Variants in LPP observed in about 807,000 individuals in gnomAD.
The protein encoded by LPP is lipoma-preferred partner.
A neutral mutation model predicts 60.4 loss-of-function variants in LPP; 38 were observed. The ratio of observed to expected loss-of-function variants is 0.63; its 90% CI spans 0.49 to 0.83. LPP has a LOEUF of 0.83. LPP is among the 40% of genes least tolerant of loss of function. The pLI is 0.00. For missense variants in LPP, 902 were observed against 783.6 expected, an observed-to-expected ratio of 1.15 and a Z score of -1.80; for synonymous variants, 328 against 290.8, an observed-to-expected ratio of 1.13 and a Z score of -1.30.
At chr3:188,387,427 T>C (rs991368536) in intron 3 of LPP, among the ~76,000 whole-genome samples, 2 of 152,172 alleles carry the variant, frequency 1.3e-5, no homozygotes, top group African/African-American at 4.8e-5. Flanking sequence ...TAATATTTCA[T>C]TGAGTGATTG....
At chr3:188,268,864 C>A (rs1025966842) in intron 2 of LPP, among the ~76,000 whole-genome samples, 4 of 152,138 alleles carry the variant, frequency 2.6e-5, no homozygotes, top group African/African-American at 9.7e-5. Flanking sequence ...TAGGTAGATA[C>A]TTTTTACAGG....
chr3:188,298,047 T>C (rs1226356032), intron 2 of LPP, among the ~76,000 whole-genome samples: 1 of 152,212 alleles, frequency 6.6e-6, no homozygotes, highest in African/African-American at 2.4e-5. Context: ...CCTACTGTTA[T>C]CTTTTTTCCA....
intron 7 of LPP, among the ~76,000 whole-genome samples, chr3:188,673,329 AACAAC>A (rs1235016642): frequency 5.3e-3 from 1 of 188 alleles, no homozygotes; most frequent in Non-Finnish European, 0.033. Context: ...GGAAACAAAT[AACAAC>A]AACAACAAAC....
intron 4 of LPP, among the ~76,000 whole-genome samples, chr3:188,479,412 C>T (rs1429988812): frequency 6.6e-6 from 1 of 152,160 alleles, no homozygotes; most frequent in Non-Finnish European, 1.5e-5. Context: ...CAGTGTGGAC[C>T]TGAATCAGAG....
intron 9 of LPP, among the ~76,000 whole-genome samples, chr3:188,764,888 A>G (rs1240400660): frequency 6.6e-6 from 1 of 152,130 alleles, no homozygotes; most frequent in Non-Finnish European, 1.5e-5. Flanking sequence ...TTGAAATCCA[A>G]ATGACTAAAG....
At chr3:188,173,513 A>ACC (rs10640205) in intron 1 of LPP, among the ~76,000 whole-genome samples, 1 of 51,690 alleles carries the variant, frequency 1.9e-5, no homozygotes, top group African/African-American at 5.2e-5. Flanking sequence ...AAAAAAACAA[A>ACC]AACAAAAAAA....
chr3:188,285,233 A>G lies in LPP; in HGVS notation c.-66-56430A>G, dbSNP rs186839952. On this transcript the variant is annotated intron_variant, in intron 2 of 11. Transcript: ENST00000617246. ...GTTGTATTGTTGGTCGTAGGATAAT[A>G]AAGATAAAGGGGTATACAGACTTGG... is the stretch of plus-strand genomic sequence containing the variant. Among the ~76,000 whole-genome samples, 283 of 152,330 alleles carry G rather than the reference A, an allele frequency of 1.9e-3. 1 individual carries two copies. The highest frequency in any genetic ancestry group is 6.5e-3 in the African/African-American group (272 of 41,578).
chr3:188,567,166 G>A (rs1253692670), intron 6 of LPP, among the ~76,000 whole-genome samples: 1 of 151,766 alleles, frequency 6.6e-6, no homozygotes, highest in Non-Finnish European at 1.5e-5. Flanking sequence ...AGCATTTTAT[G>A]GGCTTCTGAG....
chr3:188,246,147 A>G (rs2149510697), intron 2 of LPP, among the ~76,000 whole-genome samples: 1 of 151,208 alleles, frequency 6.6e-6, no homozygotes, highest in Admixed American at 6.6e-5. Flanking sequence ...CTATTCTTTT[A>G]TCTGTAAAAT....
intron 2 of LPP, among the ~76,000 whole-genome samples, chr3:188,236,261 G>C (rs1721890223): frequency 6.6e-6 from 1 of 152,194 alleles, no homozygotes; most frequent in Admixed American, 6.5e-5. Context: ...GGCATGAAGA[G>C]TAGGGAGGAC....
At chr3:188,810,682 G>A (rs1750661693) in intron 9 of LPP, among the ~76,000 whole-genome samples, 1 of 152,116 alleles carries the variant, frequency 6.6e-6, no homozygotes, top group African/African-American at 2.4e-5. Context: ...GGTGGTCTTG[G>A]AAGGTATCTT....
chr3:188,386,624 A>T (rs772957147), intron 3 of LPP, among the ~76,000 whole-genome samples: 15 of 152,214 alleles, frequency 9.9e-5, no homozygotes, highest in Non-Finnish European at 1.6e-4. Context: ...TCCCCGAAGA[A>T]TGATAATAAT....
At chr3:188,342,639 A>G (rs1184237013) in intron 3 of LPP, among the ~76,000 whole-genome samples, 1 of 152,146 alleles carries the variant, frequency 6.6e-6, no homozygotes, top group East Asian at 1.9e-4. Context: ...TTCCTTTGGT[A>G]TGTTATATCT....
intron 9 of LPP, among the ~76,000 whole-genome samples, chr3:188,852,895 C>A (rs1762989215): frequency 6.6e-6 from 1 of 152,130 alleles, no homozygotes; most frequent in Non-Finnish European, 1.5e-5. Flanking sequence ...GTAACCCCAG[C>A]ACTTTGGGAG....
rs561284077 is a variant in LPP, at chr3:188,384,789, C to CAAAA, written c.-9-21290_-9-21287dup. Among the ~76,000 whole-genome samples, 38 of 51,436 alleles carry CAAAA rather than the reference C, an allele frequency of 7.4e-4. 4 individuals are homozygous for CAAAA. Among genetic ancestry groups the CAAAA allele is most frequent in the African/African-American group, 2.8e-3 (35 of 12,588 alleles). The allele number at this position is 51,436 out of a possible 152,430, so 33.7% of individuals were successfully genotyped here. ...TGGGCGACAGAGCGAGACTCTGTCT[C>CAAAA]AAAAAAAAAAAAAAAAAAAAAAAAA... On this transcript the variant is annotated intron_variant, in intron 3 of 11. Coordinates refer to ENST00000617246, the MANE Select transcript of LPP (RefSeq NM_001375462.1).
intron 3 of LPP, among the ~76,000 whole-genome samples, chr3:188,355,112 G>A (rs1347745792): frequency 2.6e-5 from 4 of 151,998 alleles, no homozygotes; most frequent in East Asian, 1.9e-4. Flanking sequence ...GGGTTCAAGC[G>A]ATTCTCCTGC....
intron 3 of LPP, among the ~76,000 whole-genome samples, chr3:188,382,792 A>G (rs1186709777): frequency 2.0e-5 from 3 of 152,262 alleles, no homozygotes; most frequent in Middle Eastern, 3.4e-3. Flanking sequence ...TTTCCTGGAA[A>G]TTAGTGGGAT....
intron 4 of LPP, among the ~76,000 whole-genome samples, chr3:188,435,519 G>T (rs898430977): frequency 6.6e-6 from 1 of 152,052 alleles, no homozygotes; most frequent in African/African-American, 2.4e-5. Context: ...GTTGGGGGGA[G>T]GGGGAAAGTA....
At chr3:188,470,319 C>CACACACACACAG (rs138685539) in intron 4 of LPP, among the ~76,000 whole-genome samples, 1 of 148,762 alleles carries the variant, frequency 6.7e-6, no homozygotes, top group Non-Finnish European at 1.5e-5. Flanking sequence ...CACACACACA[C>CACACACACACAG]GCACACATAA....
Sources: gnomAD v4.1 joint callset for allele counts (sites outside exome capture counted in the v4.1 genomes callset) on GRCh38, gnomAD v4.1.1 for gene constraint, MANE v1.5 for transcripts, NCBI Gene and HGNC (gene_info 2026-07-23, HGNC 2026-07-21) for gene names.